Variants in ABCB11 observed in about 807,000 individuals in gnomAD.
ABCB11 encodes the protein bile salt export pump.
ABCB11 carries 95 observed loss-of-function variants against 148.0 expected under a neutral mutation model. That is an observed-to-expected ratio of 0.64 (90% confidence interval 0.54 to 0.76). The LOEUF (loss-of-function observed/expected upper bound fraction) is 0.76. Ranked by LOEUF, ABCB11 falls within the 30% of genes least tolerant of loss-of-function variation. The pLI, the probability that ABCB11 is intolerant of heterozygous loss-of-function variation, is 0.00. For missense variants in ABCB11, 1,523 were observed against 1,617.8 expected (o/e 0.94, Z 1.01); for synonymous variants, 591 against 555.4 (o/e 1.06, Z -0.90).
chr2:168,993,465 A>G (rs1694608257), intron 8 of ABCB11, among the ~76,000 whole-genome samples: 1 of 152,146 alleles, frequency 6.6e-6, no homozygotes, highest in Admixed American at 6.6e-5. Flanking sequence ...AGTAGTGCCT[A>G]GAGAAACAGT....
At chr2:168,965,526 C>G (rs1224153941) in intron 17 of ABCB11, among the ~76,000 whole-genome samples, 1 of 151,828 alleles carries the variant, frequency 6.6e-6, no homozygotes, top group African/African-American at 2.4e-5. Flanking sequence ...GAAGCCAAAG[C>G]ATCTTTGGAA....
At chr2:168,971,818 T>G in intron 14 of ABCB11, 29 bp downstream of exon 14, 1 of 1,603,962 alleles carries the variant, frequency 6.2e-7, no homozygotes, top group South Asian at 1.1e-5. Context: ...ACCTCTTAGT[T>G]TCTCCCAGGA....
chr2:168,972,935 A>G (rs1011260481), intron 13 of ABCB11, among the ~76,000 whole-genome samples: 1 of 151,994 alleles, frequency 6.6e-6, no homozygotes, highest in Non-Finnish European at 1.5e-5. Context: ...AAATGGGCCT[A>G]TGTACCTTTG....
intron 19 of ABCB11, among the ~76,000 whole-genome samples, chr2:168,952,822 C>CT (rs1692630117): frequency 6.6e-6 from 1 of 151,122 alleles, no homozygotes; most frequent in African/African-American, 2.4e-5. Flanking sequence ...GATCTTTCTA[C>CT]TTTTTTATGT....
chr2:168,989,805 G>A (rs1694450555), intron 9 of ABCB11, among the ~76,000 whole-genome samples: 1 of 151,972 alleles, frequency 6.6e-6, no homozygotes, highest in African/African-American at 2.4e-5. Flanking sequence ...TTTGTTGAGA[G>A]TTTCTGTCAG....
At chr2:169,021,634 C>A (rs1479324893) in intron 1 of ABCB11, among the ~76,000 whole-genome samples, 2 of 151,952 alleles carry the variant, frequency 1.3e-5, no homozygotes, top group Admixed American at 6.6e-5. Context: ...TAATTTACTA[C>A]ATAAAATTTT....
intron 17 of ABCB11, among the ~76,000 whole-genome samples, chr2:168,965,320 G>A (rs1693255567): frequency 6.6e-6 from 1 of 151,734 alleles, no homozygotes; most frequent in Admixed American, 6.6e-5. Context: ...CCAGACTCCT[G>A]GGAAGGAGGC....
At chr2:169,000,859 T>G (rs1348510091) in intron 5 of ABCB11, among the ~76,000 whole-genome samples, 1 of 152,180 alleles carries the variant, frequency 6.6e-6, no homozygotes. Flanking sequence ...GTCATTTTCT[T>G]TCTTGTTTTC....
Position 168,935,177 on chromosome 2 carries a change from T to A in ABCB11, c.3056+7A>T. 1.2e-6 allele frequency: 2 copies of A among 1,613,756 alleles called. No individual in the cohort carries two copies. Among genetic ancestry groups the A allele is most frequent in the Non-Finnish European group, 1.7e-6 (2 of 1,179,712 alleles). On this transcript the variant is annotated splice_region_variant and intron_variant, in intron 23 of 27. Transcript: ENST00000650372. ...ATCTTTTCTCACCTTGGCTAGATAT[T>A]CCTCACCTGAACACATAGCTGAAAT...
intron 5 of ABCB11, among the ~76,000 whole-genome samples, chr2:168,997,690 T>C (rs1021942362): frequency 1.3e-5 from 2 of 152,028 alleles, no homozygotes; most frequent in African/African-American, 4.8e-5. Context: ...AGCCTTCTTT[T>C]TGTGGCTTGA....
At chr2:168,971,587 A>C (rs1355678441) in intron 14 of ABCB11, among the ~76,000 whole-genome samples, 1 of 152,092 alleles carries the variant, frequency 6.6e-6, no homozygotes, top group African/African-American at 2.4e-5. Context: ...ATAGTTCCCC[A>C]GTTTGGTAGA....
At chr2:168,940,287 T>C (rs936558410) in intron 21 of ABCB11, among the ~76,000 whole-genome samples, 2 of 151,732 alleles carry the variant, frequency 1.3e-5, no homozygotes, top group Non-Finnish European at 2.9e-5. Flanking sequence ...AAGCTGTGAA[T>C]GCAGAAAAAA....
intron 12 of ABCB11, among the ~76,000 whole-genome samples, chr2:168,975,852 G>A (rs66491446): frequency 0.57 from 85,686 of 149,376 alleles, 24,846 homozygotes; most frequent in East Asian, 0.75. Context: ...AATTAAGTTA[G>A]GCTAACAAAA....
chr2:168,981,164 G>A (rs898283032), intron 10 of ABCB11, among the ~76,000 whole-genome samples: 3 of 152,052 alleles, frequency 2.0e-5, no homozygotes, highest in Non-Finnish European at 2.9e-5. Context: ...TTTCTTCCTT[G>A]TGGCTGGAGT....
At chr2:168,952,689 T>G (rs1438318361) in intron 19 of ABCB11, among the ~76,000 whole-genome samples, 44 of 121,302 alleles carry the variant, frequency 3.6e-4, no homozygotes, top group Middle Eastern at 4.2e-3. Flanking sequence ...TTTTTTTTTT[T>G]TGTTTGTTTC....
At position 168,933,103 on chromosome 2, in the gene ABCB11, C is replaced by T. The variant is rs867968365; in HGVS notation, c.3057-570G>A. ...CAGCCTGGGTGACAGAGCAAGACTCCGTCTCAAAAAAAAAAAAAAAGAAAA... is the reference window on the plus strand; with the variant it reads ...CAGCCTGGGTGACAGAGCAAGACTCTGTCTCAAAAAAAAAAAAAAAGAAAA... On this transcript the variant is annotated intron_variant, in intron 23 of 27. Coordinates refer to ENST00000650372, the MANE Select transcript of ABCB11 (RefSeq NM_003742.4). Among the ~76,000 whole-genome samples, 29 of 115,268 alleles carry T rather than the reference C, an allele frequency of 2.5e-4. No individual in the cohort carries two copies. In the South Asian group the frequency reaches 5.8e-3, roughly 23 times the overall value. 75.6% of individuals were successfully genotyped at this position (115,268 alleles called of 152,430 possible). A position where few individuals can be genotyped will look rare whatever the true frequency, so the allele number is the denominator to read the frequency against.
At chr2:168,995,248 T>C (rs540148956) in intron 7 of ABCB11, 101 bp downstream of exon 7, 31 of 1,343,384 alleles carry the variant, frequency 2.3e-5, no homozygotes, top group Middle Eastern at 2.7e-4. Flanking sequence ...AGATGAAACA[T>C]AGGAAAACTG....
rs554931124 is a variant in ABCB11, at chr2:168,921,969, C to A, written c.*1653G>T. ...GTTCACGCCATTCTCCTGCCTCAGC[C>A]TCCTGAGTAGCTGGGACTACAGGCG... On this transcript the variant is annotated 3_prime_UTR_variant, in exon 28 of 28. Coordinates refer to ENST00000650372, the MANE Select transcript of ABCB11 (RefSeq NM_003742.4). Among the ~76,000 whole-genome samples the A allele has an allele frequency of 2.4e-4, 36 of 151,926 alleles. No homozygotes were observed. In the East Asian group the frequency reaches 3.5e-3, roughly 15 times the overall value.
At chr2:168,962,717 T>G (rs759818766) in intron 18 of ABCB11, among the ~76,000 whole-genome samples, 16 of 151,748 alleles carry the variant, frequency 1.1e-4, no homozygotes, top group Non-Finnish European at 2.2e-4. Flanking sequence ...GAAGCTCTAT[T>G]AAACTCCTGC....
Sources: allele counts gnomAD v4.1 joint callset (sites outside exome capture counted in the v4.1 genomes callset), GRCh38; gene constraint gnomAD v4.1.1; transcripts MANE v1.5; gene names NCBI Gene and HGNC (gene_info 2026-07-23, HGNC 2026-07-21).